Variants in GLIS3 observed in about 807,000 individuals in gnomAD.
GLIS3 encodes the protein GLIS family zinc finger 3.
GLIS3 carries 53 observed loss-of-function variants against 78.6 expected under a neutral mutation model. That is an observed-to-expected ratio of 0.67 (90% CI 0.54 to 0.85). The LOEUF is 0.85. Among genes scored for constraint, GLIS3 ranks in the 40% least tolerant of loss-of-function variants. The pLI, the probability that GLIS3 is intolerant of heterozygous loss-of-function variation, is 0.00. For missense variants in GLIS3, 1,703 were observed against 1,231.1 expected (o/e 1.38, Z -5.74); for synonymous variants, 684 against 509.9 (o/e 1.34, Z -4.60).
chr9:4,223,532 C>G (rs1348325897), intron 2 of GLIS3, among the ~76,000 whole-genome samples: 1 of 151,568 alleles, frequency 6.6e-6, no homozygotes, highest in African/African-American at 2.4e-5. Flanking sequence ...GAACCTGGGT[C>G]CCCTGTTTAT....
the GLIS3 span, among the ~76,000 whole-genome samples, chr9:4,488,122 C>T: frequency 0.75 from 114,334 of 151,816 alleles, 43,107 homozygotes; most frequent in East Asian, 0.9. Flanking sequence ...GTTGGTTGGT[C>T]GGTTTAGTTT....
chr9:4,445,390 GCT>G, the GLIS3 span, among the ~76,000 whole-genome samples: 531 of 152,330 alleles, frequency 3.5e-3, 2 homozygotes, highest in African/African-American at 0.012. Context: ...ATTTGGGGAG[GCT>G]GAGGCTGGCA....
the GLIS3 span, among the ~76,000 whole-genome samples, chr9:4,387,668 A>G: frequency 1.3e-5 from 2 of 152,220 alleles, no homozygotes; most frequent in African/African-American, 4.8e-5. Context: ...AGAATGAGCT[A>G]GGTAGTTCAC....
intron 2 of GLIS3, among the ~76,000 whole-genome samples, chr9:4,184,878 A>G (rs903218896): frequency 1.8e-5 from 2 of 108,472 alleles, no homozygotes; most frequent in Non-Finnish European, 4.0e-5. Flanking sequence ...ATTATACACA[A>G]AAGTATTAAA....
chr9:4,168,902 TA>T (rs1242985624), intron 2 of GLIS3, among the ~76,000 whole-genome samples: 17 of 152,216 alleles, frequency 1.1e-4, no homozygotes, highest in Non-Finnish European at 1.5e-5. Context: ...CTGTAACTGT[TA>T]GATAACGAGA....
At chr9:4,361,145 TGCTGCCA>T in the GLIS3 span, among the ~76,000 whole-genome samples, 1 of 152,224 alleles carries the variant, frequency 6.6e-6, no homozygotes, top group Non-Finnish European at 1.5e-5. Flanking sequence ...GGAGTGTTAT[TGCTGCCA>T]GCTGCCAGCT....
intron 2 of GLIS3, among the ~76,000 whole-genome samples, chr9:4,184,616 A>G (rs1817608420): frequency 6.6e-6 from 1 of 152,198 alleles, no homozygotes. Flanking sequence ...AGAAAAGAGC[A>G]CCCAACCCAG....
intron 4 of GLIS3, among the ~76,000 whole-genome samples, chr9:4,102,854 G>T (rs1192234645): frequency 1.3e-5 from 2 of 151,936 alleles, no homozygotes; most frequent in Admixed American, 6.6e-5. Flanking sequence ...TTCAAGCACT[G>T]TTGCAACCTC....
rs369019337 is a variant in GLIS3, at chr9:4,338,024, C to G, written n.264+9057G>C. Reference sequence around the variant, plus strand: ...TGTCTAACTGGTAAGATTGGCAAGGCTGTGTGTGTGTGTGTGTGTGTGTGT... The same window carrying G: ...TGTCTAACTGGTAAGATTGGCAAGGGTGTGTGTGTGTGTGTGTGTGTGTGT... On this transcript the variant is annotated intron_variant and non_coding_transcript_variant, in intron 2 of 4. Transcript: ENST00000471664. Among the ~76,000 whole-genome samples, 95 of 139,076 alleles carry G rather than the reference C, an allele frequency of 6.8e-4. 1 individual carries two copies. Among genetic ancestry groups the G allele is most frequent in the African/African-American group, 2.4e-3 (84 of 34,404 alleles). 91.2% of individuals were successfully genotyped at this position (139,076 alleles called of 152,430 possible).
rs543332527 is a variant in GLIS3 at position 3,909,496 on chromosome 9, G to A, written c.1984-10661C>T. Among the ~76,000 whole-genome samples the A allele has an allele frequency of 1.9e-3, 292 of 152,274 alleles. 3 individuals carry two copies. The highest frequency in any genetic ancestry group is 6.8e-3 in the African/African-American group (283 of 41,554). ...AAACGGCATTGGAAGGAATCTCTTTGGGAACAGAAGTGTCCAGTTGGGTGT... is the reference window on the plus strand; with the variant it reads ...AAACGGCATTGGAAGGAATCTCTTTAGGAACAGAAGTGTCCAGTTGGGTGT... On this transcript the variant is annotated intron_variant, in intron 6 of 10. Coordinates refer to ENST00000381971, the MANE Select transcript of GLIS3 (RefSeq NM_001042413.2).
intron 4 of GLIS3, among the ~76,000 whole-genome samples, chr9:4,019,044 A>G (rs1304291881): frequency 6.6e-6 from 1 of 152,210 alleles, no homozygotes; most frequent in African/African-American, 2.4e-5. Flanking sequence ...GACGTGAGTC[A>G]AGCACCTGGC....
chr9:3,893,834 G>A (rs1438224877), intron 7 of GLIS3, among the ~76,000 whole-genome samples: 2 of 152,124 alleles, frequency 1.3e-5, no homozygotes. Flanking sequence ...CCAGCAAACT[G>A]TATTTTCACA....
At chr9:4,309,097 A>C (rs1042127584) in intron 3 of GLIS3, 1 of 152,220 alleles carries the variant, frequency 6.6e-6, no homozygotes, top group Admixed American at 6.5e-5. Context: ...ATTTTTTAAG[A>C]TAAAACAGAA....
chr9:4,087,986 C>A (rs935472341), intron 4 of GLIS3, among the ~76,000 whole-genome samples: 1 of 152,214 alleles, frequency 6.6e-6, no homozygotes, highest in African/African-American at 2.4e-5. Flanking sequence ...CCTAGACAGA[C>A]TCCACATGTC....
chr9:4,483,278 T>A, the GLIS3 span, among the ~76,000 whole-genome samples: 1 of 152,192 alleles, frequency 6.6e-6, no homozygotes, highest in African/African-American at 2.4e-5. Flanking sequence ...CCGCGTGAAA[T>A]GTATTTAGTG....
At chr9:3,915,207 A>G (rs1313470981) in intron 6 of GLIS3, among the ~76,000 whole-genome samples, 1 of 152,058 alleles carries the variant, frequency 6.6e-6, no homozygotes, top group Non-Finnish European at 1.5e-5. Context: ...ATCATCTACC[A>G]TTCCTCCTTT....
chr9:4,410,135 TA>T, the GLIS3 span, among the ~76,000 whole-genome samples: 2 of 148,150 alleles, frequency 1.3e-5, no homozygotes, highest in Non-Finnish European at 3.0e-5. Context: ...CATGCCCGGC[TA>T]TTTTTTTTTT....
At chr9:4,366,313 G>A in the GLIS3 span, among the ~76,000 whole-genome samples, 2 of 152,120 alleles carry the variant, frequency 1.3e-5, no homozygotes, top group Admixed American at 1.3e-4. Flanking sequence ...GAAAAGAGTA[G>A]ACTTCTTTAG....
chr9:3,999,188 G>A (rs892825181), intron 4 of GLIS3, among the ~76,000 whole-genome samples: 4 of 152,034 alleles, frequency 2.6e-5, no homozygotes, highest in Non-Finnish European at 4.4e-5. Flanking sequence ...CTCTATAGTC[G>A]CAGATTTGAG....
Sources: allele counts gnomAD v4.1 joint callset (sites outside exome capture counted in the v4.1 genomes callset), GRCh38; gene constraint gnomAD v4.1.1; transcripts MANE v1.5; gene names NCBI Gene and HGNC (gene_info 2026-07-23, HGNC 2026-07-21).